STK25: variants seen among roughly 807,000 people sequenced by gnomAD.
The protein encoded by STK25 is serine/threonine kinase 25, also known as serine/threonine-protein kinase 25.
Under a neutral mutation model 53.8 loss-of-function variants are expected in STK25, and 29 were observed. That is an observed-to-expected ratio of 0.54 (90% CI 0.40 to 0.74). STK25 has a LOEUF of 0.74. Ranked by LOEUF, STK25 falls within the 30% of genes least tolerant of loss-of-function variation. STK25 has a pLI of 0.00. For synonymous variants in STK25, 247 were observed against 238.3 expected, an observed-to-expected ratio of 1.04 and a Z score of -0.33; for missense variants, 420 against 568.0, an observed-to-expected ratio of 0.74 and a Z score of 2.65.
intron 2 of STK25, among the ~76,000 whole-genome samples, chr2:241,507,083 G>A (rs777438322): frequency 3.3e-5 from 5 of 152,182 alleles, no homozygotes; most frequent in Admixed American, 1.3e-4. Flanking sequence ...CAGCACATAG[G>A]AGTGAACAAG....
chr2:241,497,757 C>T (rs2065257981), intron 9 of STK25, 70 bp from the exon 10 acceptor site: 2 of 1,475,980 alleles, frequency 1.4e-6, no homozygotes, highest in Non-Finnish European at 9.5e-7. Flanking sequence ...CCATCCCTGC[C>T]CAGGCTCTAG....
chr2:241,504,171 C>T (rs1158321113), intron 2 of STK25: 3 of 468,238 alleles, frequency 6.4e-6, no homozygotes, highest in East Asian at 6.9e-5. Flanking sequence ...TTGTCAAGGC[C>T]CGGGGGTGTG....
chr2:241,508,879 C>A (rs1559849341), upstream of STK25, among the ~76,000 whole-genome samples: 1 of 152,200 alleles, frequency 6.6e-6, no homozygotes, highest in Non-Finnish European at 1.5e-5. Flanking sequence ...CGCGGGTCTT[C>A]TGCGTTTGCT....
Position 241,495,652 on chromosome 2 carries a change from G to A in STK25, c.*10C>T. The A allele has an allele frequency of 3.7e-6, 6 of 1,614,160 alleles. No homozygotes were observed. The highest frequency in any genetic ancestry group is 5.1e-6 in the Non-Finnish European group (6 of 1,179,962). ...CGACCTTCCGTCCCCTATCTGAACA[G>A]CAGTGCGCTTCAGCGGGTGGATGTC... On this transcript the variant is annotated 3_prime_UTR_variant, in exon 12 of 12. Coordinates refer to ENST00000316586, the MANE Select transcript of STK25 (RefSeq NM_001271977.2).
Position 241,494,027 on chromosome 2 carries a change from G to T in STK25, c.*1635C>A. 1 of 1,396,584 alleles carries T rather than the reference G, an allele frequency of 7.2e-7. No homozygotes were observed. Among genetic ancestry groups the T allele is most frequent in the Non-Finnish European group, 9.3e-7 (1 of 1,072,778 alleles). 86.5% of individuals were successfully genotyped at this position (1,396,584 alleles called of 1,614,324 possible). On this transcript the variant is annotated 3_prime_UTR_variant, in exon 12 of 12. Coordinates refer to ENST00000316586, the MANE Select transcript of STK25 (RefSeq NM_001271977.2). This position sits in a 1 kb window ranked among gnomAD's most constrained non-coding sequence, Gnocchi z 4.9. ...CTCCAGGTGGATGGAGGTGATCCAG[G>T]GGGCCAGCAGCTCAGCCGGGAGGGC... is the stretch of plus-strand genomic sequence containing the variant.
chr2:241,508,272 G>A (rs1377331825), intron 1 of STK25, 137 bp from the exon 2 acceptor site: 4 of 1,286,400 alleles, frequency 3.1e-6, no homozygotes, highest in East Asian at 3.2e-5. Flanking sequence ...CGGGCCTAAC[G>A]CCCAGGCTCC....
In STK25 at chr2:241,508,121, T is replaced by G; in HGVS notation, c.-86A>C. 1 of 1,529,096 alleles carries G rather than the reference T, an allele frequency of 6.5e-7. No homozygotes were observed. The highest frequency in any genetic ancestry group is 2.1e-5 in the Admixed American group (1 of 48,436). 94.7% of individuals were successfully genotyped at this position (1,529,096 alleles called of 1,614,324 possible). A position where few individuals can be genotyped will look rare whatever the true frequency, so the allele number is the denominator to read the frequency against. ...GGCGCGGAGCCGGCTAGCTCGCCCC[T>G]GCGGCGTCAGTCCACTGCGAGGGAC... On this transcript the variant is annotated 5_prime_UTR_variant, in exon 2 of 12. Coordinates refer to ENST00000316586, the MANE Select transcript of STK25 (RefSeq NM_001271977.2).
rs2065298745 is a variant in STK25, at chr2:241,498,346, A to T, written c.921T>A (p.Asp307Glu). 6.3e-7 allele frequency: 1 copy of T among 1,582,832 alleles called. No homozygotes were observed. The highest frequency in any genetic ancestry group is 1.7e-5 in the Admixed American group (1 of 58,618). The change falls in exon 9 of 12, where the codon GAT becomes GAA. Residue 307 changes from aspartate to glutamate, a missense_variant. Transcript: ENST00000316586. The stretch of plus-strand genomic sequence containing the variant: ...CCTGCTCCCCGTCCTCCGCCTCGCC[A>T]TCACTGAAGAGGATGAGGAGTTGCC... ...EESSSEDSDI[D>E]GEAEDGEQGP...
In STK25 at chr2:241,499,463, C is replaced by T. The variant is rs1274809671; in HGVS notation, c.428-49G>A. On this transcript the variant is annotated intron_variant, in intron 5 of 11. Coordinates refer to ENST00000316586, the MANE Select transcript of STK25 (RefSeq NM_001271977.2). ...CGTCATCCCAGGCTCCACGTGGCTC[C>T]ACCCCGGGCCCCCTGAGAAGGGCCA... 3 of 1,587,228 alleles carry T rather than the reference C, an allele frequency of 1.9e-6. No individual in the cohort carries two copies. In the African/African-American group the frequency reaches 4.0e-5, roughly 21 times the overall value.
At chr2:241,497,475 G>C (rs1257336569) in intron 10 of STK25, 141 bp downstream of exon 10, 9 of 850,748 alleles carry the variant, frequency 1.1e-5, no homozygotes, top group Non-Finnish European at 1.7e-5. Context: ...CTTCCACTCA[G>C]AAAACCCAGC....
chr2:241,505,225 C>G (rs992873772), intron 2 of STK25, among the ~76,000 whole-genome samples: 18 of 152,086 alleles, frequency 1.2e-4, no homozygotes, highest in African/African-American at 3.9e-4. Context: ...GCCACCTTGT[C>G]AAATCCTCCC....
rs941559116 is a variant in STK25, at chr2:241,501,725, G to A, written c.31-17C>T. The A allele has an allele frequency of 3.8e-6, 6 of 1,599,376 alleles. No homozygotes were observed. The African/African-American group carries it at 8.0e-5, about 21-fold the overall frequency. ...TCGAGAGTGCTGTGGGGCCAGGGCG[G>A]GGACAGAGGGCAGACAGCGCCGGTC... On this transcript the variant is annotated splice_polypyrimidine_tract_variant and intron_variant, in intron 2 of 11. Coordinates refer to ENST00000316586, the MANE Select transcript of STK25 (RefSeq NM_001271977.2). The surrounding 1 kb of genome is among the most constrained non-coding windows in gnomAD (Gnocchi z 5.3).
chr2:241,504,082 G>A (rs184677314), intron 2 of STK25: 5 of 471,192 alleles, frequency 1.1e-5, no homozygotes, highest in African/African-American at 6.0e-5. Flanking sequence ...GCCAGACCTC[G>A]AGGTGACTGG....
Position 241,501,501 on chromosome 2 carries a change from G to A in STK25, c.238C>T (p.Arg80Cys), listed in dbSNP as rs771755240. 1.2e-5 allele frequency: 19 copies of A among 1,614,036 alleles called. No individual in the cohort carries two copies. The highest frequency in any genetic ancestry group is 2.2e-5 in the East Asian group (1 of 44,880). Residue 80 changes from arginine to cysteine, a missense_variant, in exon 3 of 12, where the codon CGC becomes TGC. Arg to Cys is a radical substitution (Grantham distance 180). Transcript: ENST00000316586. The surrounding 1 kb of genome is among the most constrained non-coding windows in gnomAD (Gnocchi z 5.3). Reference protein sequence around the residue: ...LSQCDSPYITRYFGSYLKSTK... With the variant: ...LSQCDSPYITCYFGSYLKSTK... ...ACCTTTAGGTAGGAGCCAAAGTAGCGGGTGATGTAGGGGCTGTCGCACTGA... is the reference window on the plus strand; with the variant it reads ...ACCTTTAGGTAGGAGCCAAAGTAGCAGGTGATGTAGGGGCTGTCGCACTGA...
chr2:241,494,109 G>C lies in STK25; in HGVS notation c.*1553C>G, dbSNP rs2065038176. On this transcript the variant is annotated 3_prime_UTR_variant, in exon 12 of 12. Transcript: ENST00000316586. The surrounding 1 kb of genome is among the most constrained non-coding windows in gnomAD (Gnocchi z 4.9). ...TCCTCAGGGCTGGAGGGGATGGTCAGGGGGAAGGAGGAATGACGCTCAACC... is the reference window on the plus strand; with the variant it reads ...TCCTCAGGGCTGGAGGGGATGGTCACGGGGAAGGAGGAATGACGCTCAACC... The C allele has an allele frequency of 2.0e-6, 3 of 1,478,668 alleles. No individual in the cohort carries two copies. Among genetic ancestry groups the C allele is most frequent in the Middle Eastern group, 1.8e-4 (1 of 5,660 alleles). The allele number at this position is 1,478,668 out of a possible 1,614,324, so 91.6% of individuals were successfully genotyped here. A position where few individuals can be genotyped will look rare whatever the true frequency, so the allele number is the denominator to read the frequency against.
intron 5 of STK25, 142 bp downstream of exon 5, chr2:241,500,031 T>G: frequency 1.4e-6 from 1 of 728,028 alleles, no homozygotes; most frequent in Non-Finnish European, 2.5e-6. Flanking sequence ...GAGACAGGAC[T>G]GCTCAGTTTC....
chr2:241,502,281 G>A (rs565288984), intron 2 of STK25, among the ~76,000 whole-genome samples: 1 of 152,292 alleles, frequency 6.6e-6, no homozygotes, highest in Admixed American at 6.5e-5. Flanking sequence ...GAACCCTGCT[G>A]GAAACAGGAG....
At chr2:241,503,901 GC>G in intron 2 of STK25, 2 of 420,264 alleles carry the variant, frequency 4.8e-6, no homozygotes, top group Non-Finnish European at 1.0e-5. Flanking sequence ...CCAGGCCTAA[GC>G]CCAGCGGAGG....
chr2:241,501,768 G>GCCTCT lies in STK25; in HGVS notation c.31-61_31-60insAGAGG. ...CGCCGGTCACAAGAGGCGGGGGACA[G>GCCTCT]GCAGAGGCTGCCCTGCTGGGGAGGA... is the stretch of plus-strand genomic sequence containing the variant. On this transcript the variant is annotated intron_variant, in intron 2 of 11. Transcript: ENST00000316586. This position sits in a 1 kb window ranked among gnomAD's most constrained non-coding sequence, Gnocchi z 5.3. 7.3e-7 allele frequency: 1 copy of GCCTCT among 1,370,344 alleles called. No individual in the cohort carries two copies. The highest frequency in any genetic ancestry group is 1.0e-6 in the Non-Finnish European group (1 of 977,716). The allele number at this position is 1,370,344 out of a possible 1,614,324, so 84.9% of individuals were successfully genotyped here. A position where few individuals can be genotyped will look rare whatever the true frequency, so the allele number is the denominator to read the frequency against.
Sources: gnomAD v4.1 joint callset for allele counts (sites outside exome capture counted in the v4.1 genomes callset) on GRCh38, gnomAD v4.1.1 for gene constraint, Gnocchi (gnomAD v3.1) non-coding constraint, MANE v1.5 for transcripts, NCBI Gene and HGNC (gene_info 2026-07-23, HGNC 2026-07-21) for gene names.